AKT3: variants seen among roughly 807,000 people sequenced by gnomAD.
The protein encoded by AKT3 is AKT serine/threonine kinase 3, also known as RAC-gamma serine/threonine-protein kinase.
Under a neutral mutation model 65.3 loss-of-function variants are expected in AKT3, and 15 were observed. That is an observed-to-expected ratio of 0.23 (90% confidence interval 0.15 to 0.35). AKT3 has a LOEUF of 0.35. AKT3 is among the 10% of genes least tolerant of loss of function. The pLI is 1.00. For missense variants in AKT3, 243 were observed against 576.5 expected (o/e 0.42, Z 5.92); for synonymous variants, 206 against 183.8 (o/e 1.12, Z -0.98).
chr1:243,648,654 A>G (rs1681034131), intron 4 of AKT3, among the ~76,000 whole-genome samples: 1 of 152,162 alleles, frequency 6.6e-6, no homozygotes, highest in Non-Finnish European at 1.5e-5. Context: ...GATTGGTCAA[A>G]TTTCTAACTT....
At chr1:243,733,828 T>C (rs970279635) in intron 2 of AKT3, among the ~76,000 whole-genome samples, 3 of 152,180 alleles carry the variant, frequency 2.0e-5, no homozygotes, top group African/African-American at 4.8e-5. Context: ...CATATGCTGT[T>C]GGAAAAAATG....
chr1:243,576,464 C>T (rs1674949506), intron 8 of AKT3, among the ~76,000 whole-genome samples: 1 of 152,144 alleles, frequency 6.6e-6, no homozygotes, highest in Non-Finnish European at 1.5e-5. Flanking sequence ...TTGCAGATGA[C>T]ATGATCCTGT....
chr1:243,804,101 C>T (rs969535755), intron 2 of AKT3, among the ~76,000 whole-genome samples: 1 of 152,194 alleles, frequency 6.6e-6, no homozygotes, highest in African/African-American at 2.4e-5. Flanking sequence ...ATCAGTCCAT[C>T]TTGGACTCCC....
chr1:243,678,185 G>A (rs1359876612), intron 3 of AKT3, among the ~76,000 whole-genome samples: 1 of 152,106 alleles, frequency 6.6e-6, no homozygotes, highest in Admixed American at 6.5e-5. Context: ...TAAACTTTAA[G>A]GGGAAGGTAT....
chr1:243,497,725 G>A (rs141752044), downstream of AKT3, among the ~76,000 whole-genome samples: 661 of 152,274 alleles, frequency 4.3e-3, 3 homozygotes, highest in African/African-American at 0.015. Flanking sequence ...TTGTGTGTAC[G>A]TGGGTGTGTT....
chr1:243,660,730 G>A (rs1416218808), intron 4 of AKT3, among the ~76,000 whole-genome samples: 2 of 152,158 alleles, frequency 1.3e-5, no homozygotes, highest in African/African-American at 2.4e-5. Context: ...GCAGAAGAAG[G>A]AAATAAAGGG....
intron 12 of AKT3, among the ~76,000 whole-genome samples, chr1:243,521,490 T>C (rs1386667794): frequency 6.6e-6 from 1 of 152,210 alleles, no homozygotes; most frequent in Non-Finnish European, 1.5e-5. Context: ...ACAAAACTAA[T>C]GGGTATGTGG....
chr1:243,747,383 G>A (rs1413855422), intron 2 of AKT3, among the ~76,000 whole-genome samples: 1 of 152,136 alleles, frequency 6.6e-6, no homozygotes, highest in Non-Finnish European at 1.5e-5. Flanking sequence ...TTTCATTAAC[G>A]GAGATTTCTG....
At chr1:243,780,828 T>C (rs949069208) in intron 2 of AKT3, among the ~76,000 whole-genome samples, 3 of 151,886 alleles carry the variant, frequency 2.0e-5, no homozygotes, top group African/African-American at 4.8e-5. Context: ...CATTCAAATA[T>C]TCCTTTGAAT....
intron 4 of AKT3, among the ~76,000 whole-genome samples, chr1:243,653,200 A>G (rs544798796): frequency 1.3e-5 from 2 of 152,362 alleles, no homozygotes; most frequent in Admixed American, 6.5e-5. Flanking sequence ...AACTACCATC[A>G]GAGAATACTA....
chr1:243,779,745 C>T (rs1690787527), intron 2 of AKT3, among the ~76,000 whole-genome samples: 1 of 151,858 alleles, frequency 6.6e-6, no homozygotes, highest in Non-Finnish European at 1.5e-5. Context: ...ACCAGAGCTC[C>T]CTAGAGAGCT....
chr1:243,517,424 G>A (rs1670437663), intron 12 of AKT3, among the ~76,000 whole-genome samples: 1 of 152,138 alleles, frequency 6.6e-6, no homozygotes, highest in Non-Finnish European at 1.5e-5. Flanking sequence ...CTGTCCAATA[G>A]TAACTGTAAA....
intron 8 of AKT3, among the ~76,000 whole-genome samples, chr1:243,583,557 G>GAAAAAAAAAAAAAAAAAAAAA (rs977215298): frequency 7.7e-5 from 3 of 38,782 alleles, no homozygotes; most frequent in Non-Finnish European, 2.0e-4. Context: ...AAAAAAAAAA[G>GAAAAAAAAAAAAAAAAAAAAA]AAAAAAAAAA....
At chr1:243,622,703 C>T (rs1450437297) in intron 6 of AKT3, among the ~76,000 whole-genome samples, 2 of 152,168 alleles carry the variant, frequency 1.3e-5, no homozygotes, top group African/African-American at 2.4e-5. Flanking sequence ...ATCATACTCC[C>T]AATAGAACAA....
chr1:243,586,898 G>T (rs903658042), intron 8 of AKT3, among the ~76,000 whole-genome samples: 1 of 151,510 alleles, frequency 6.6e-6, no homozygotes, highest in African/African-American at 2.4e-5. Context: ...AAATAAAAAA[G>T]AAATGGAATA....
At chr1:243,773,169 T>C (rs1314241321) in intron 2 of AKT3, among the ~76,000 whole-genome samples, 1 of 149,792 alleles carries the variant, frequency 6.7e-6, no homozygotes, top group Non-Finnish European at 1.5e-5. Flanking sequence ...ACATGTACCC[T>C]AGAACTTAAA....
At chr1:243,787,148 A>C (rs952452422) in intron 2 of AKT3, among the ~76,000 whole-genome samples, 1 of 152,244 alleles carries the variant, frequency 6.6e-6, no homozygotes, top group African/African-American at 2.4e-5. Flanking sequence ...CTTTGTAGCT[A>C]AATCATAAAG....
chr1:243,701,294 A>G (rs1474346448), intron 2 of AKT3, among the ~76,000 whole-genome samples: 1 of 152,210 alleles, frequency 6.6e-6, no homozygotes, highest in African/African-American at 2.4e-5. Context: ...GACCTCACAA[A>G]TAGATCATGT....
chr1:243,540,939 C>G (rs1558600668), intron 12 of AKT3, among the ~76,000 whole-genome samples: 1 of 152,142 alleles, frequency 6.6e-6, no homozygotes, highest in African/African-American at 2.4e-5. Flanking sequence ...CTTCTCAGAG[C>G]ATCTTATCAT....
Sources: gnomAD v4.1 joint callset for allele counts (sites outside exome capture counted in the v4.1 genomes callset) on GRCh38, gnomAD v4.1.1 for gene constraint, MANE v1.5 for transcripts, NCBI Gene and HGNC (gene_info 2026-07-23, HGNC 2026-07-21) for gene names.